GRIN3A: variants seen among roughly 807,000 people sequenced by gnomAD.
GRIN3A encodes the protein glutamate receptor ionotropic, NMDA 3A.
Under a neutral mutation model 92.4 loss-of-function variants are expected in GRIN3A, and 47 were observed. The ratio of observed to expected loss-of-function variants is 0.51; its 90% CI spans 0.40 to 0.65. The LOEUF is 0.65. GRIN3A is among the 30% of genes least tolerant of loss of function. The probability of loss-of-function intolerance (pLI) is 0.00; values close to 1 mark genes in which losing one functional copy is unlikely to be tolerated. For missense variants in GRIN3A, 1,324 were observed against 1,393.1 expected (o/e 0.95, Z 0.79); for synonymous variants, 527 against 540.6 (o/e 0.97, Z 0.35).
At chr9:101,697,994 C>A (rs934528287) in intron 1 of GRIN3A, among the ~76,000 whole-genome samples, 1 of 152,114 alleles carries the variant, frequency 6.6e-6, no homozygotes, top group African/African-American at 2.4e-5. Context: ...AATGCTTAAG[C>A]CACACATAAT....
At chr9:101,685,470 T>A (rs1466784952) in intron 2 of GRIN3A, among the ~76,000 whole-genome samples, 3 of 152,000 alleles carry the variant, frequency 2.0e-5, no homozygotes, top group Non-Finnish European at 4.4e-5. Flanking sequence ...AGGGAAACAT[T>A]CGTCTTTGAA....
At chr9:101,645,700 A>G (rs1828928742) in intron 3 of GRIN3A, among the ~76,000 whole-genome samples, 1 of 148,006 alleles carries the variant, frequency 6.8e-6, no homozygotes, top group Non-Finnish European at 1.5e-5. Flanking sequence ...TTATATATAT[A>G]AAATATATAT....
At chr9:101,655,093 A>C (rs751842740) in intron 3 of GRIN3A, among the ~76,000 whole-genome samples, 7 of 151,932 alleles carry the variant, frequency 4.6e-5, no homozygotes, top group Non-Finnish European at 1.0e-4. Context: ...GCTATAGAGG[A>C]CAGGTTAATT....
At position 101,613,635 on chromosome 9, in the gene GRIN3A, T is replaced by A. The variant is rs1828400688; in HGVS notation, c.2615-108A>T. 4 of 1,007,882 alleles carry A rather than the reference T, an allele frequency of 4.0e-6. No individual in the cohort carries two copies. The African/African-American group carries it at 6.4e-5, about 16-fold the overall frequency. The allele number at this position is 1,007,882 out of a possible 1,614,324, so 62.4% of individuals were successfully genotyped here. A position where few individuals can be genotyped will look rare whatever the true frequency, so the allele number is the denominator to read the frequency against. On this transcript the variant is annotated intron_variant, in intron 5 of 8. Transcript: ENST00000361820. ...CCATCAGACCAAAAAAAGGGCGTGA[T>A]GAGTTTTCATCAACTTTCTTTCAAA...
At chr9:101,704,430 A>G (rs901202455) in intron 1 of GRIN3A, among the ~76,000 whole-genome samples, 1 of 152,242 alleles carries the variant, frequency 6.6e-6, no homozygotes, top group South Asian at 2.1e-4. Context: ...GTGCTAGGCA[A>G]TGTGACATAT....
At chr9:101,590,333 C>A (rs1019753262) in intron 6 of GRIN3A, among the ~76,000 whole-genome samples, 4 of 151,250 alleles carry the variant, frequency 2.6e-5, no homozygotes, top group Admixed American at 1.3e-4. Flanking sequence ...TGTTCCTCTA[C>A]CATAATGACA....
intron 4 of GRIN3A, 122 bp downstream of exon 4, chr9:101,628,134 T>A: frequency 1.2e-6 from 1 of 867,016 alleles, no homozygotes; most frequent in South Asian, 1.5e-5. Flanking sequence ...TGTAAAGTAT[T>A]ACTTAACACA....
At chr9:101,699,626 G>C (rs1284819282) in intron 1 of GRIN3A, among the ~76,000 whole-genome samples, 1 of 151,992 alleles carries the variant, frequency 6.6e-6, no homozygotes, top group Non-Finnish European at 1.5e-5. Context: ...TATCTTTCTT[G>C]TCTGGGTCAT....
At chr9:101,683,687 A>G (rs1409765043) in intron 2 of GRIN3A, among the ~76,000 whole-genome samples, 2 of 152,180 alleles carry the variant, frequency 1.3e-5, no homozygotes, top group South Asian at 2.1e-4. Context: ...CACATTCATC[A>G]TGATGAAAAT....
intron 3 of GRIN3A, among the ~76,000 whole-genome samples, chr9:101,646,610 G>GT (rs71308218): frequency 0.27 from 40,274 of 151,626 alleles, 5,427 homozygotes; most frequent in African/African-American, 0.31. Context: ...ACTTTGGGTA[G>GT]TGGGAACATT....
chr9:101,675,736 G>T (rs1829387325), intron 2 of GRIN3A, among the ~76,000 whole-genome samples: 1 of 151,666 alleles, frequency 6.6e-6, no homozygotes, highest in African/African-American at 2.4e-5. Flanking sequence ...AAAATCTGCT[G>T]CTTAAGTTTA....
chr9:101,613,554 G>GT (rs781682060), intron 5 of GRIN3A, 27 bp from the exon 6 acceptor site: 4 of 1,612,120 alleles, frequency 2.5e-6, no homozygotes, highest in Non-Finnish European at 3.4e-6. Flanking sequence ...TCTCAGATGA[G>GT]TTTTTTACAC....
intron 3 of GRIN3A, among the ~76,000 whole-genome samples, chr9:101,665,603 A>G (rs769430739): frequency 2.0e-5 from 3 of 151,988 alleles, no homozygotes; most frequent in Non-Finnish European, 4.4e-5. Context: ...GAATCTTTAG[A>G]GTGTGGCCAT....
At chr9:101,607,720 C>A (rs1387696363) in intron 6 of GRIN3A, among the ~76,000 whole-genome samples, 1 of 152,204 alleles carries the variant, frequency 6.6e-6, no homozygotes, top group Non-Finnish European at 1.5e-5. Context: ...GATTTCAAAG[C>A]TAATCCTGGT....
rs73511309 is a variant in GRIN3A at position 101,619,600 on chromosome 9, G to T, written c.2614+3718C>A. Among the ~76,000 whole-genome samples, 1,352 of 152,304 alleles carry T rather than the reference G, an allele frequency of 8.9e-3. 24 individuals carry two copies. The highest frequency in any genetic ancestry group is 0.031 in the African/African-American group (1,298 of 41,554). On this transcript the variant is annotated intron_variant, in intron 5 of 8. Coordinates refer to ENST00000361820, the MANE Select transcript of GRIN3A (RefSeq NM_133445.3). The stretch of plus-strand genomic sequence containing the variant: ...GGTGAGGAACCTGAAGAGTAGATTA[G>T]ATAACTTGCCAGTTAATAACAGCAA...
rs1830251107 is a variant in GRIN3A, at chr9:101,738,623, G to C, written c.-644C>G. The C allele has an allele frequency of 6.5e-6, 1 of 153,734 alleles. No individual in the cohort carries two copies. The highest frequency in any genetic ancestry group is 2.1e-4 in the South Asian group (1 of 4,866). The allele number at this position is 153,734 out of a possible 1,614,324, so 9.5% of individuals were successfully genotyped here. On this transcript the variant is annotated 5_prime_UTR_variant, in exon 1 of 9. Coordinates refer to ENST00000361820, the MANE Select transcript of GRIN3A (RefSeq NM_133445.3). ...TTCCACCGAGTCGCCACCGCCGCTTGCTTCCTCGGAGGAGCAACGCGACTG... is the reference window on the plus strand; with the variant it reads ...TTCCACCGAGTCGCCACCGCCGCTTCCTTCCTCGGAGGAGCAACGCGACTG...
At chr9:101,640,370 CTTCT>C (rs910891329) in intron 3 of GRIN3A, among the ~76,000 whole-genome samples, 2 of 152,196 alleles carry the variant, frequency 1.3e-5, no homozygotes, top group African/African-American at 4.8e-5. Flanking sequence ...CACTTTCCTT[CTTCT>C]TTCTTTGCAA....
chr9:101,685,562 C>T (rs1322251482), intron 2 of GRIN3A, among the ~76,000 whole-genome samples: 2 of 151,856 alleles, frequency 1.3e-5, no homozygotes, highest in African/African-American at 4.8e-5. Context: ...ATGAAATATC[C>T]TTTAAGGATA....
chr9:101,632,891 A>G (rs1828733563), intron 3 of GRIN3A, among the ~76,000 whole-genome samples: 1 of 152,180 alleles, frequency 6.6e-6, no homozygotes, highest in Admixed American at 6.5e-5. Flanking sequence ...AGTCCCAGTG[A>G]GAGAAGCATT....
Sources: allele counts gnomAD v4.1 joint callset (sites outside exome capture counted in the v4.1 genomes callset), GRCh38; gene constraint gnomAD v4.1.1; transcripts MANE v1.5; gene names NCBI Gene and HGNC (gene_info 2026-07-23, HGNC 2026-07-21).